Variants in DOP1A observed in about 807,000 individuals in gnomAD.
DOP1A encodes DOP1 leucine zipper like protein A, also known as protein DOP1A.
In DOP1A, 90 loss-of-function variants were observed where a neutral mutation model predicts 267.6. The observed-to-expected ratio is 0.34, with a 90% CI of 0.28 to 0.40. DOP1A has a LOEUF of 0.40. Among genes scored for constraint, DOP1A ranks in the 10% least tolerant of loss-of-function variants. DOP1A has a pLI of 1.00. For synonymous variants in DOP1A, 932 were observed against 999.1 expected, an observed-to-expected ratio of 0.93 and a Z score of 1.27; for missense variants, 2,437 against 2,900.4, an observed-to-expected ratio of 0.84 and a Z score of 3.67.
Position 83,162,880 on chromosome 6 carries a change from C to G in DOP1A, c.7053C>G (p.Tyr2351Ter). The change falls in exon 38 of 39, where the codon TAC (tyrosine) becomes TAG (stop). Residue 2351 changes from tyrosine to a stop codon, truncating the protein, a stop_gained. Transcript: ENST00000349129. LOFTEE classifies it high-confidence loss of function. The part of the protein sequence containing the change: ...QGIHQREFKP[Y>*]VVRLAKLLRK... ...TACATCAACGAGAATTTAAACCTTA[C>G]GTGGTACGACTAGCAAAACTTCTTC... The G allele has an allele frequency of 4.3e-6, 7 of 1,613,180 alleles. No homozygotes were observed. The highest frequency in any genetic ancestry group is 5.9e-6 in the Non-Finnish European group (7 of 1,179,416).
intron 12 of DOP1A, 50 bp from the exon 13 acceptor site, chr6:83,124,655 A>G (rs1345750744): frequency 7.7e-7 from 1 of 1,302,724 alleles, no homozygotes; most frequent in South Asian, 1.2e-5. Flanking sequence ...TGTCACAGGT[A>G]TTCACATCAC....
Position 83,138,338 on chromosome 6 carries a change from C to T in DOP1A, c.4296C>T (p.Gly1432=), listed in dbSNP as rs1779145459. ...LLARHRISVM[G]KDFYSHIPVD... is the part of the protein sequence containing the mutation. ...CCAGACACCGGATTTCTGTTATGGG[C>T]AAAGATTTTTATAGTCACATTCCAG... is the stretch of plus-strand genomic sequence containing the variant. The change falls in exon 21 of 39, where the codon GGC becomes GGT. Residue 1432 remains glycine (G), a synonymous_variant. Transcript: ENST00000349129. The T allele has an allele frequency of 1.2e-6, 2 of 1,611,584 alleles. No homozygotes were observed. The highest frequency in any genetic ancestry group is 1.7e-6 in the Non-Finnish European group (2 of 1,179,924).
chr6:83,132,565 G>A (rs1203625549), intron 18 of DOP1A, among the ~76,000 whole-genome samples: 1 of 151,948 alleles, frequency 6.6e-6, no homozygotes, highest in Non-Finnish European at 1.5e-5. Flanking sequence ...ATAAAATGCT[G>A]GGTTTATTTC....
chr6:83,092,440 T>C (rs1047350985), intron 1 of DOP1A, among the ~76,000 whole-genome samples: 1 of 152,110 alleles, frequency 6.6e-6, no homozygotes, highest in Non-Finnish European at 1.5e-5. Flanking sequence ...TTAAGATTAT[T>C]TTGATTCACA....
rs748688363 is a variant in DOP1A at position 83,129,409 on chromosome 6, C to T, written c.2242C>T (p.Leu748Phe). The T allele has an allele frequency of 1.2e-6, 2 of 1,611,238 alleles. No individual in the cohort carries two copies. Among genetic ancestry groups the T allele is most frequent in the Non-Finnish European group, 8.5e-7 (1 of 1,179,044 alleles). The change falls in exon 16 of 39, where the codon CTT becomes TTT. Residue 748 changes from leucine to phenylalanine, a missense_variant. Transcript: ENST00000349129. Reference protein sequence around the residue: ...KTSKEYLSAFLAACQLFLECS... With the variant: ...KTSKEYLSAFFAACQLFLECS... ...TTCTAAAGAATACCTGTCTGCCTTC[C>T]TTGCTGCCTGTCAGCTCTTCCTAGA...
At chr6:83,107,563 T>C (rs1055024390) in intron 4 of DOP1A, among the ~76,000 whole-genome samples, 6 of 152,232 alleles carry the variant, frequency 3.9e-5, no homozygotes, top group African/African-American at 1.4e-4. Context: ...TTTTCTGATA[T>C]TTACAGTCCG....
intron 38 of DOP1A, chr6:83,167,303 C>G: frequency 1.0e-6 from 1 of 985,480 alleles, no homozygotes; most frequent in Non-Finnish European, 1.2e-6. Context: ...CAGAAGGAGA[C>G]AGCAGTGTCT....
chr6:83,125,437 T>C, intron 14 of DOP1A, 63 bp from the exon 15 acceptor site: 2 of 1,464,838 alleles, frequency 1.4e-6, no homozygotes, highest in Non-Finnish European at 9.4e-7. Context: ...TTATATAGAT[T>C]AAAAAATGTA....
intron 1 of DOP1A, among the ~76,000 whole-genome samples, chr6:83,094,180 T>G (rs766544121): frequency 3.3e-5 from 5 of 152,208 alleles, no homozygotes; most frequent in African/African-American, 9.6e-5. Flanking sequence ...TGTGGTCTTA[T>G]GTCAATGGCT....
intron 25 of DOP1A, among the ~76,000 whole-genome samples, chr6:83,146,445 T>C (rs1780663905): frequency 6.6e-6 from 1 of 152,176 alleles, no homozygotes; most frequent in African/African-American, 2.4e-5. Flanking sequence ...CCTTATTAAG[T>C]TTTTAATAAA....
chr6:83,166,794 TATTAA>T, intron 38 of DOP1A: 2 of 1,037,820 alleles, frequency 1.9e-6, no homozygotes, highest in Non-Finnish European at 2.3e-6. Flanking sequence ...AAACTAGTGA[TATTAA>T]ATTATTAGGT....
intron 26 of DOP1A, among the ~76,000 whole-genome samples, chr6:83,147,506 C>T (rs529782767): frequency 1.8e-4 from 27 of 152,210 alleles, no homozygotes; most frequent in African/African-American, 6.5e-4. Context: ...AACCTACTCT[C>T]GAAACTATGC....
At chr6:83,097,749 T>C (rs1458118609) in intron 3 of DOP1A, among the ~76,000 whole-genome samples, 1 of 152,022 alleles carries the variant, frequency 6.6e-6, no homozygotes, top group Non-Finnish European at 1.5e-5. Flanking sequence ...TGCATACCCA[T>C]AGTTAAGGTT....
intron 1 of DOP1A, among the ~76,000 whole-genome samples, chr6:83,088,460 G>A (rs1475009683): frequency 1.8e-5 from 2 of 110,114 alleles, no homozygotes; most frequent in African/African-American, 7.4e-5. Flanking sequence ...GTCTCACTCT[G>A]TCCCCAGGCT....
intron 1 of DOP1A, among the ~76,000 whole-genome samples, chr6:83,074,797 T>C (rs1766762866): frequency 6.6e-6 from 1 of 152,208 alleles, no homozygotes; most frequent in Non-Finnish European, 1.5e-5. Flanking sequence ...TTGGCCAGGC[T>C]CAGTGGCTCA....
chr6:83,160,035 T>G lies in DOP1A; in HGVS notation c.6962+75T>G, dbSNP rs767158245. The G allele has an allele frequency of 2.1e-6, 3 of 1,428,370 alleles. No homozygotes were observed. The Admixed American group carries it at 6.4e-5, about 31-fold the overall frequency. The allele number at this position is 1,428,370 out of a possible 1,614,324, so 88.5% of individuals were successfully genotyped here. A position where few individuals can be genotyped will look rare whatever the true frequency, so the allele number is the denominator to read the frequency against. On this transcript the variant is annotated intron_variant, in intron 37 of 38. Transcript: ENST00000349129. Reference sequence around the variant, plus strand: ...TTTGGTCACTGACATCTATGACTAATTAAAAAGTTTTTTGTGTAAGTTGAA... The same window carrying G: ...TTTGGTCACTGACATCTATGACTAAGTAAAAAGTTTTTTGTGTAAGTTGAA...
intron 4 of DOP1A, 74 bp downstream of exon 4, chr6:83,100,960 C>T: frequency 9.8e-7 from 1 of 1,016,234 alleles, no homozygotes; most frequent in East Asian, 3.3e-5. Flanking sequence ...ATACTTTCTG[C>T]ACTAAAAACT....
chr6:83,122,065 A>T lies in DOP1A; in HGVS notation c.1220+15A>T, dbSNP rs759095573. ...CAGTTAAGCAGGTGGATTATCAAAA[A>T]ATTAAATGTGACATGAAGACATAAT... On this transcript the variant is annotated intron_variant, in intron 11 of 38. Transcript: ENST00000349129. 8 of 1,607,492 alleles carry T rather than the reference A, an allele frequency of 5.0e-6. No individual in the cohort carries two copies. Among genetic ancestry groups the T allele is most frequent in the Non-Finnish European group, 6.8e-6 (8 of 1,176,616 alleles).
chr6:83,160,815 G>T (rs1222154343), intron 37 of DOP1A, among the ~76,000 whole-genome samples: 3 of 152,038 alleles, frequency 2.0e-5, no homozygotes, highest in Non-Finnish European at 4.4e-5. Context: ...GAAATAATAG[G>T]ATAAAGAGTA....
Sources: allele counts gnomAD v4.1 joint callset (sites outside exome capture counted in the v4.1 genomes callset), GRCh38; gene constraint gnomAD v4.1.1; transcripts MANE v1.5; gene names NCBI Gene and HGNC (gene_info 2026-07-23, HGNC 2026-07-21).